The following SLC38A6 variants were observed in gnomAD, a reference collection of about 807,000 sequenced individuals.
The protein encoded by SLC38A6 is N system amino acid transporter NAT-1.
Under a neutral mutation model 65.0 loss-of-function variants are expected in SLC38A6, and 73 were observed. The observed-to-expected ratio is 1.12, with a 90% CI of 0.93 to 1.37. The LOEUF (loss-of-function observed/expected upper bound fraction) is 1.37, where lower values mean the gene tolerates loss of function less well. SLC38A6 is among the 40% of genes most tolerant of loss of function. The pLI is 0.00. For missense variants in SLC38A6, 561 were observed against 531.1 expected, an observed-to-expected ratio of 1.06 and a Z score of -0.55; for synonymous variants, 183 against 178.8, an observed-to-expected ratio of 1.02 and a Z score of -0.19.
chr14:60,985,093 A>C (rs2037358399), intron 3 of SLC38A6, among the ~76,000 whole-genome samples: 1 of 152,182 alleles, frequency 6.6e-6, no homozygotes, highest in Admixed American at 6.5e-5. Context: ...AGGTGTTCAA[A>C]GGATCCAAAC....
At chr14:60,987,067 GAACT>G (rs2037503310) in intron 3 of SLC38A6, 2 of 419,832 alleles carry the variant, frequency 4.8e-6, no homozygotes, top group South Asian at 3.4e-5. Context: ...TTGGGCCCAT[GAACT>G]AACTACTTCA....
chr14:61,009,646 C>T (rs1361107809), intron 3 of SLC38A6, among the ~76,000 whole-genome samples: 1 of 151,334 alleles, frequency 6.6e-6, no homozygotes, highest in East Asian at 1.9e-4. Context: ...GTTTTTTGTC[C>T]TTGGGATAGT....
rs1268556430 is a variant in SLC38A6 at position 60,984,922 on chromosome 14, G to T, written c.310+119G>T. Reference sequence around the variant, plus strand: ...TGAGCATACATTTTTATTAGATAGGGTGATCGGAATGGAGAATTTGAAAAA... The same window carrying T: ...TGAGCATACATTTTTATTAGATAGGTTGATCGGAATGGAGAATTTGAAAAA... On this transcript the variant is annotated intron_variant, in intron 3 of 15. Coordinates refer to ENST00000267488, the MANE Select transcript of SLC38A6 (RefSeq NM_153811.3). 6 of 959,338 alleles carry T rather than the reference G, an allele frequency of 6.3e-6. No individual in the cohort carries two copies. The Admixed American group carries it at 8.2e-5, about 13-fold the overall frequency. The allele number at this position is 959,338 out of a possible 1,614,324, so 59.4% of individuals were successfully genotyped here. A position where few individuals can be genotyped will look rare whatever the true frequency, so the allele number is the denominator to read the frequency against.
intron 3 of SLC38A6, among the ~76,000 whole-genome samples, chr14:61,013,957 TGGA>T (rs2039788585): frequency 1.3e-5 from 2 of 152,342 alleles, no homozygotes; most frequent in East Asian, 3.9e-4. Context: ...GAAGTTCTCC[TGGA>T]TAATATGCTG....
At chr14:60,987,513 A>G (rs2037544138) in intron 3 of SLC38A6, 1 of 152,170 alleles carries the variant, frequency 6.6e-6, no homozygotes, top group Admixed American at 6.5e-5. Context: ...TTCGTTTGTC[A>G]TCTGTAAAAT....
chr14:61,047,574 A>G (rs1174893500), intron 12 of SLC38A6, among the ~76,000 whole-genome samples: 2 of 152,114 alleles, frequency 1.3e-5, no homozygotes, highest in South Asian at 2.1e-4. Context: ...AAATTGTGCT[A>G]TAGAAGCCAG....
At position 61,078,823 on chromosome 14, in the gene SLC38A6, C is replaced by A; in HGVS notation, c.1304C>A (p.Ser435Ter). The change falls in exon 16 of 17, where the codon TCG becomes TAG. Residue 435 changes from serine (S) to a stop codon, truncating the protein, a stop_gained. Coordinates refer to the SLC38A6 transcript ENST00000354886. LOFTEE classifies it high-confidence loss of function. The stretch of plus-strand genomic sequence containing the variant: ...ATTTTGAGACAGGGTCTCATTCTGT[C>A]GCACAGGTTGGCGTGCAGTGGTGTG... The A allele has an allele frequency of 4.8e-6, 1 of 208,346 alleles. No homozygotes were observed. 12.9% of individuals were successfully genotyped at this position (208,346 alleles called of 1,614,324 possible).
At chr14:61,040,657 A>G (rs555716490) in intron 8 of SLC38A6, among the ~76,000 whole-genome samples, 98 of 151,904 alleles carry the variant, frequency 6.5e-4, no homozygotes, top group African/African-American at 2.4e-3. Flanking sequence ...TTTTTTTTAA[A>G]TGTTGGTAGA....
chr14:61,062,995 A>G (rs1299355508), intron 15 of SLC38A6, among the ~76,000 whole-genome samples: 1 of 151,986 alleles, frequency 6.6e-6, no homozygotes, highest in African/African-American at 2.4e-5. Context: ...TGTTCTTTAT[A>G]TGTGTTTTGC....
At chr14:61,040,858 GT>G (rs1328528623) in intron 8 of SLC38A6, among the ~76,000 whole-genome samples, 1 of 152,224 alleles carries the variant, frequency 6.6e-6, no homozygotes, top group East Asian at 1.9e-4. Context: ...ATTTTAGGAT[GT>G]GGAAATTTAA....
intron 15 of SLC38A6, among the ~76,000 whole-genome samples, chr14:61,073,438 G>A (rs574157802): frequency 7.2e-5 from 11 of 152,192 alleles, no homozygotes; most frequent in African/African-American, 2.6e-4. Context: ...ATTTCAACGT[G>A]AGTTTTGGGG....
chr14:61,045,487 G>C, intron 11 of SLC38A6, 62 bp downstream of exon 11: 5 of 1,225,584 alleles, frequency 4.1e-6, no homozygotes, highest in Non-Finnish European at 5.9e-6. Flanking sequence ...TAAGGCTTTC[G>C]GATTGAATGA....
chr14:61,011,201 G>A (rs1343689477), intron 3 of SLC38A6, among the ~76,000 whole-genome samples: 1 of 152,138 alleles, frequency 6.6e-6, no homozygotes, highest in Non-Finnish European at 1.5e-5. Flanking sequence ...TGGTATATAG[G>A]AATGCATGTG....
chr14:61,033,479 A>T (rs1483630950), intron 6 of SLC38A6, among the ~76,000 whole-genome samples: 1 of 152,080 alleles, frequency 6.6e-6, no homozygotes, highest in African/African-American at 2.4e-5. Flanking sequence ...CAGTAGGAAA[A>T]CAGGAGTTCT....
chr14:60,996,938 T>C (rs1237416479), intron 3 of SLC38A6, among the ~76,000 whole-genome samples: 1 of 152,222 alleles, frequency 6.6e-6, no homozygotes, highest in Non-Finnish European at 1.5e-5. Context: ...CATTTTCATA[T>C]ATACAAGGTC....
chr14:61,053,986 C>A (rs754909101), downstream of SLC38A6, among the ~76,000 whole-genome samples: 5 of 152,054 alleles, frequency 3.3e-5, no homozygotes, highest in Non-Finnish European at 5.9e-5. Context: ...AGGTTGTCTT[C>A]CAGGGTTTTT....
chr14:61,038,990 G>A (rs1326500378), intron 8 of SLC38A6, among the ~76,000 whole-genome samples: 1 of 152,198 alleles, frequency 6.6e-6, no homozygotes, highest in Non-Finnish European at 1.5e-5. Context: ...ATATGCAAAT[G>A]AATGTATGGA....
Position 61,045,394 on chromosome 14 carries a change from T to C in SLC38A6, c.793T>C (p.Ser265Pro). 6.2e-7 allele frequency: 1 copy of C among 1,613,560 alleles called. No individual in the cohort carries two copies. Among genetic ancestry groups the C allele is most frequent in the Non-Finnish European group, 8.5e-7 (1 of 1,179,650 alleles). Reference protein sequence around the residue: ...TMAFSFLCHTSILPIYCELQS... With the variant: ...TMAFSFLCHTPILPIYCELQS... The stretch of plus-strand genomic sequence containing the variant: ...GGCTTTTTCATTTCTCTGCCATACC[T>C]CAATATTGCCCATATACTGTGAACT... Residue 265 changes from serine to proline, a missense_variant, in exon 11 of 16, where the codon TCA (serine) becomes CCA (proline). Ser to Pro is a moderately conservative substitution (Grantham distance 74). Coordinates refer to ENST00000267488, the MANE Select transcript of SLC38A6 (RefSeq NM_153811.3).
intron 2 of SLC38A6, among the ~76,000 whole-genome samples, chr14:60,983,496 A>G (rs1016911479): frequency 3.9e-5 from 6 of 152,184 alleles, no homozygotes; most frequent in Non-Finnish European, 7.3e-5. Flanking sequence ...AAAAAATAGA[A>G]AAATCCTTTA....
Sources: gnomAD v4.1 joint callset for allele counts (sites outside exome capture counted in the v4.1 genomes callset) on GRCh38, gnomAD v4.1.1 for gene constraint, MANE v1.5 for transcripts, NCBI Gene and HGNC (gene_info 2026-07-23, HGNC 2026-07-21) for gene names.